L2HGDH: variants seen among roughly 807,000 people sequenced by gnomAD.
L2HGDH encodes the protein L-2-hydroxyglutarate dehydrogenase, mitochondrial.
A neutral mutation model predicts 51.5 loss-of-function variants in L2HGDH; 34 were observed. The ratio of observed to expected loss-of-function variants is 0.66; its 90% confidence interval spans 0.50 to 0.88. The LOEUF (loss-of-function observed/expected upper bound fraction) is 0.88. Ranked by LOEUF, L2HGDH falls within the 40% of genes least tolerant of loss-of-function variation. L2HGDH has a pLI of 0.00. For missense variants in L2HGDH, 558 were observed against 571.9 expected, an observed-to-expected ratio of 0.98 and a Z score of 0.25; for synonymous variants, 198 against 197.9, an observed-to-expected ratio of 1.00 and a Z score of -0.01.
Position 50,301,936 on chromosome 14 carries a change from C to T in L2HGDH, c.408+81G>A, listed in dbSNP as rs1430655390. On this transcript the variant is annotated intron_variant, in intron 3 of 9. Coordinates refer to ENST00000267436, the MANE Select transcript of L2HGDH (RefSeq NM_024884.3). Reference sequence around the variant, plus strand: ...TTACATAGATACAAAGAAAAAAATACATTTTTAAAAAATGTAATATTAAAC... The same window carrying T: ...TTACATAGATACAAAGAAAAAAATATATTTTTAAAAAATGTAATATTAAAC... The T allele has an allele frequency of 4.9e-6, 7 of 1,420,718 alleles. No individual in the cohort carries two copies. The African/African-American group carries it at 7.2e-5, about 15-fold the overall frequency. The allele number at this position is 1,420,718 out of a possible 1,614,324, so 88.0% of individuals were successfully genotyped here.
chr14:50,309,350 G>T (rs1219406327), intron 1 of L2HGDH, among the ~76,000 whole-genome samples: 1 of 152,116 alleles, frequency 6.6e-6, no homozygotes, highest in Non-Finnish European at 1.5e-5. Context: ...ATCACCTGAG[G>T]TCAGGAGTTT....
In L2HGDH at chr14:50,244,959, CCACATT is replaced by C. The variant is rs1887935411; in HGVS notation, c.*2093_*2098del. 1 of 985,416 alleles carries C rather than the reference CCACATT, an allele frequency of 1.0e-6. No individual in the cohort carries two copies. The highest frequency in any genetic ancestry group is 1.2e-6 in the Non-Finnish European group (1 of 829,882). 61.0% of individuals were successfully genotyped at this position (985,416 alleles called of 1,614,324 possible). A position where few individuals can be genotyped will look rare whatever the true frequency, so the allele number is the denominator to read the frequency against. ...TACTCAAAGTTCTGCAGTCAGGTCG[CCACATT>C]TTCATTTACAATTTCTATTTTCTAA... On this transcript the variant is annotated 3_prime_UTR_variant, in exon 10 of 10. Transcript: ENST00000267436.
chr14:50,291,309 C>CT (rs1161724582), intron 4 of L2HGDH, among the ~76,000 whole-genome samples: 2 of 150,458 alleles, frequency 1.3e-5, no homozygotes, highest in African/African-American at 2.4e-5. Flanking sequence ...TTTGCCAAGA[C>CT]TTTGACCATT....
chr14:50,243,236 T>G lies in L2HGDH; in HGVS notation c.*3822A>C. The G allele has an allele frequency of 1.0e-6, 1 of 985,400 alleles. No homozygotes were observed. The allele number at this position is 985,400 out of a possible 1,614,324, so 61.0% of individuals were successfully genotyped here. On this transcript the variant is annotated 3_prime_UTR_variant, in exon 10 of 10. Coordinates refer to ENST00000267436, the MANE Select transcript of L2HGDH (RefSeq NM_024884.3). ...TACGTAACATGAAACACCAAAAATA[T>G]ACTTGCTGGTACATCAAGAGTTCCT... is the stretch of plus-strand genomic sequence containing the variant.
intron 7 of L2HGDH, among the ~76,000 whole-genome samples, chr14:50,268,117 G>A (rs902858219): frequency 3.2e-4 from 49 of 152,248 alleles, no homozygotes; most frequent in African/African-American, 1.1e-3. Flanking sequence ...GGTGGCTCAC[G>A]CCTGTAATCT....
intron 7 of L2HGDH, 95 bp from the exon 8 acceptor site, chr14:50,268,005 C>T: frequency 2.5e-6 from 3 of 1,177,624 alleles, no homozygotes; most frequent in Non-Finnish European, 3.8e-6. Context: ...ACTTTCTTCT[C>T]ATGCATTTAA....
chr14:50,300,001 G>A (rs988160740), intron 3 of L2HGDH: 2 of 152,120 alleles, frequency 1.3e-5, no homozygotes, highest in Non-Finnish European at 2.9e-5. Context: ...TTTACATGTA[G>A]AATCTCAAAA....
intron 1 of L2HGDH, among the ~76,000 whole-genome samples, chr14:50,310,226 GTTTA>G (rs1394970840): frequency 6.6e-6 from 1 of 151,188 alleles, no homozygotes; most frequent in African/African-American, 2.4e-5. Context: ...TCTTTGTACT[GTTTA>G]TTTATTTTTA....
At chr14:50,247,787 G>C (rs1566499018) in intron 9 of L2HGDH, among the ~76,000 whole-genome samples, 1 of 152,082 alleles carries the variant, frequency 6.6e-6, no homozygotes, top group Non-Finnish European at 1.5e-5. Context: ...TTGTTTTGCA[G>C]TTTGTTTTTA....
At chr14:50,268,656 G>A (rs906495590) in intron 7 of L2HGDH, among the ~76,000 whole-genome samples, 4 of 152,222 alleles carry the variant, frequency 2.6e-5, no homozygotes, top group African/African-American at 4.8e-5. Context: ...TCAAATAGCC[G>A]AATACTGACT....
intron 5 of L2HGDH, 93 bp downstream of exon 5, chr14:50,283,777 TA>T: frequency 9.7e-7 from 1 of 1,031,124 alleles, no homozygotes; most frequent in South Asian, 1.4e-5. Context: ...TTTTCCCAAA[TA>T]TTTTTCATCC....
chr14:50,269,890 T>C (rs1416742574), intron 6 of L2HGDH, among the ~76,000 whole-genome samples: 1 of 152,222 alleles, frequency 6.6e-6, no homozygotes, highest in Admixed American at 6.5e-5. Context: ...TTAAAGTTAT[T>C]ACCTATTGAT....
chr14:50,290,608 T>G (rs1178311787), intron 4 of L2HGDH, among the ~76,000 whole-genome samples: 2 of 152,214 alleles, frequency 1.3e-5, no homozygotes, highest in African/African-American at 4.8e-5. Context: ...AGACAATACA[T>G]AACTGAATAT....
chr14:50,284,535 A>G (rs919906838), intron 4 of L2HGDH, among the ~76,000 whole-genome samples: 10 of 152,364 alleles, frequency 6.6e-5, no homozygotes, highest in Admixed American at 2.6e-4. Flanking sequence ...ATCAATGTTC[A>G]TCAATCTGTA....
intron 7 of L2HGDH, among the ~76,000 whole-genome samples, chr14:50,268,675 T>C (rs1035616489): frequency 6.6e-6 from 1 of 152,238 alleles, no homozygotes; most frequent in African/African-American, 2.4e-5. Context: ...CTATTTCATC[T>C]GGTTCGACCT....
rs1887912815 is a variant in L2HGDH, at chr14:50,244,301, A to G, written c.*2757T>C. The G allele has an allele frequency of 3.0e-6, 2 of 677,062 alleles. No homozygotes were observed. Among genetic ancestry groups the G allele is most frequent in the Non-Finnish European group, 3.6e-6 (2 of 548,646 alleles). 41.9% of individuals were successfully genotyped at this position (677,062 alleles called of 1,614,324 possible). On this transcript the variant is annotated 3_prime_UTR_variant, in exon 10 of 10. Transcript: ENST00000267436. ...TGAACTAGTTTACAGTCCCACCAAC[A>G]GTGTAAAAGTGTTCCTATTTCTCCA...
intron 4 of L2HGDH, among the ~76,000 whole-genome samples, chr14:50,284,243 G>A (rs556582384): frequency 5.3e-5 from 8 of 152,168 alleles, no homozygotes; most frequent in South Asian, 2.1e-4. Context: ...GTTGAATTAC[G>A]TATCATCAAA....
intron 3 of L2HGDH, among the ~76,000 whole-genome samples, chr14:50,297,228 T>C (rs1566535893): frequency 6.6e-6 from 1 of 152,214 alleles, no homozygotes; most frequent in African/African-American, 2.4e-5. Context: ...CTACTTCTGT[T>C]CAACACAGTA....
At chr14:50,250,122 G>A (rs571443076) in intron 9 of L2HGDH, among the ~76,000 whole-genome samples, 12 of 152,228 alleles carry the variant, frequency 7.9e-5, no homozygotes, top group Non-Finnish European at 1.5e-4. Context: ...GGCTGGTCTC[G>A]AACTCCTGAC....
Sources: gnomAD v4.1 joint callset for allele counts (sites outside exome capture counted in the v4.1 genomes callset) on GRCh38, gnomAD v4.1.1 for gene constraint, MANE v1.5 for transcripts, NCBI Gene and HGNC (gene_info 2026-07-23, HGNC 2026-07-21) for gene names.